AGRN: variants seen among roughly 807,000 people sequenced by gnomAD.
The protein encoded by AGRN is agrin.
In AGRN, 106 loss-of-function variants were observed where a neutral mutation model predicts 211.0. The observed-to-expected ratio is 0.50, with a 90% CI of 0.43 to 0.59. The LOEUF is 0.59. Among genes scored for constraint, AGRN ranks in the 20% least tolerant of loss-of-function variants. The probability of loss-of-function intolerance (pLI) is 0.00; values close to 1 mark genes in which losing one functional copy is unlikely to be tolerated. For missense variants in AGRN, 3,040 were observed against 2,982.6 expected, an observed-to-expected ratio of 1.02 and a Z score of -0.45; for synonymous variants, 1,525 against 1,332.5, an observed-to-expected ratio of 1.14 and a Z score of -3.15.
At chr1:1,050,641 C>CG in intron 29 of AGRN, 50 bp downstream of exon 29, 1 of 1,603,428 alleles carries the variant, frequency 6.2e-7, no homozygotes. Flanking sequence ...GGCCCGGGGC[C>CG]GGGGCACCAG....
intron 2 of AGRN, chr1:1,034,719 C>G: frequency 1.0e-6 from 1 of 996,564 alleles, no homozygotes; most frequent in Non-Finnish European, 1.2e-6. Context: ...TGGCCGCGGG[C>G]GGGGCGTCGC....
chr1:1,030,559 A>T (rs28970526), intron 2 of AGRN, among the ~76,000 whole-genome samples: 27,954 of 32,770 alleles, frequency 0.85, 12,663 homozygotes, highest in East Asian at 0.99. Flanking sequence ...CATGGTGCTG[A>T]GAGATCAGCA....
intron 33 of AGRN, 193 bp from the exon 34 acceptor site, chr1:1,053,560 G>C (rs1645369519): frequency 1.2e-5 from 18 of 1,522,056 alleles, no homozygotes; most frequent in South Asian, 7.3e-5. Context: ...CCGTCTCTCT[G>C]ATCTCTCTCT....
chr1:1,050,976 C>T (rs536641452), intron 30 of AGRN, 139 bp downstream of exon 30: 2 of 1,550,760 alleles, frequency 1.3e-6, no homozygotes, highest in South Asian at 1.2e-5. Flanking sequence ...TCTGCCTCCT[C>T]TGCCTCCCTG....
intron 1 of AGRN, among the ~76,000 whole-genome samples, chr1:1,021,929 G>A (rs1288975674): frequency 2.6e-5 from 4 of 152,252 alleles, no homozygotes. Context: ...AGCTGATAGG[G>A]ACGTTATTGG....
At chr1:1,021,357 C>G (rs1297071434) in intron 1 of AGRN, among the ~76,000 whole-genome samples, 2 of 152,238 alleles carry the variant, frequency 1.3e-5, no homozygotes, top group African/African-American at 4.8e-5. Context: ...CTCCTGGAGC[C>G]TACTGTTGGG....
Position 1,045,955 on chromosome 1 carries a change from G to A in AGRN, c.2681-9G>A, listed in dbSNP as rs749091157. 1.4e-5 allele frequency: 22 copies of A among 1,613,168 alleles called. No homozygotes were observed. In the East Asian group the frequency reaches 2.2e-4, roughly 16 times the overall value. ...CGAGCCACAGAGGTTTCCCATGCCC[G>A]TGCCCCAGACGCTTCTGCGCCTGCG... On this transcript the variant is annotated splice_polypyrimidine_tract_variant and intron_variant, in intron 15 of 35. Transcript: ENST00000379370.
Position 1,055,124 on chromosome 1 carries a change from A to G in AGRN, c.*143A>G. ...TTCCGTCCAGGCAGCCGTGCTGCAG[A>G]CAGACCTAGTGCCGAGGGATGGACA... is the stretch of plus-strand genomic sequence containing the variant. On this transcript the variant is annotated 3_prime_UTR_variant, in exon 36 of 36. Coordinates refer to ENST00000379370, the MANE Select transcript of AGRN (RefSeq NM_198576.4). 1 of 1,364,268 alleles carries G rather than the reference A, an allele frequency of 7.3e-7. No homozygotes were observed. Among genetic ancestry groups the G allele is most frequent in the Non-Finnish European group, 1.0e-6 (1 of 996,588 alleles). The allele number at this position is 1,364,268 out of a possible 1,614,324, so 84.5% of individuals were successfully genotyped here.
intron 2 of AGRN, among the ~76,000 whole-genome samples, chr1:1,025,764 C>G (rs1644508334): frequency 6.6e-6 from 1 of 152,018 alleles, no homozygotes; most frequent in Non-Finnish European, 1.5e-5. Context: ...TCCCTCCCCA[C>G]TCACCTCTGT....
chr1:1,033,959 C>A (rs1644737043), intron 2 of AGRN: 2 of 255,862 alleles, frequency 7.8e-6, no homozygotes, highest in Non-Finnish European at 1.2e-5. Flanking sequence ...TTTGTCTCTG[C>A]TCCCGCCCTC....
rs370543185 is a variant in AGRN at position 1,047,620 on chromosome 1, T to A, written c.3564T>A (p.Ser1188Arg). 3 of 1,612,854 alleles carry A rather than the reference T, an allele frequency of 1.9e-6. No individual in the cohort carries two copies. Among genetic ancestry groups the A allele is most frequent in the African/African-American group, 2.7e-5 (2 of 74,924 alleles). ...RNSDVKKDFR[S>R]VRLRDLGPGK... ...CAGACGTCAAGAAGGATTTTCGGAG[T>A]GTCCGCTTGCGGGACCTGGGGCCCG... Residue 1188 changes from serine to arginine, a missense_variant, in exon 21 of 36, where the codon AGT (serine) becomes AGA (arginine). Physicochemically the swap from Ser to Arg is moderately radical, Grantham distance 110. Coordinates refer to ENST00000379370, the MANE Select transcript of AGRN (RefSeq NM_198576.4).
In AGRN at chr1:1,048,471, G is replaced by A. The variant is rs1376525205; in HGVS notation, c.4105+106G>A. On this transcript the variant is annotated intron_variant, in intron 23 of 35. Coordinates refer to ENST00000379370, the MANE Select transcript of AGRN (RefSeq NM_198576.4). The surrounding 1 kb of genome is among the most constrained non-coding windows in gnomAD (Gnocchi z 5.9). ...GGCTTTGAGTTGGGGGCAGGAGCCC[G>A]GATTAAGGCGGGGTTTCGGCCAGAT... The A allele has an allele frequency of 1.3e-5, 13 of 1,000,638 alleles. No individual in the cohort carries two copies. The highest frequency in any genetic ancestry group is 3.7e-5 in the South Asian group (2 of 54,638). The allele number at this position is 1,000,638 out of a possible 1,614,324, so 62.0% of individuals were successfully genotyped here.
rs763455187 is a variant in AGRN, at chr1:1,048,201, C to T, written c.3941C>T (p.Ala1314Val). 1.9e-6 allele frequency: 3 copies of T among 1,560,948 alleles called. No homozygotes were observed. The highest frequency in any genetic ancestry group is 1.7e-6 in the Non-Finnish European group (2 of 1,155,654). The change falls in exon 23 of 36, where the codon GCC becomes GTC. Residue 1314 changes from alanine (A) to valine (V), a missense_variant. By Grantham distance (64) the Ala-to-Val change is moderately conservative (BLOSUM62 0). This residue lies in a region of AGRN where 1,537 missense variants were observed against 1,505.0 expected (regional missense o/e 1.02). Transcript: ENST00000379370. The surrounding 1 kb of genome is among the most constrained non-coding windows in gnomAD (Gnocchi z 5.9). Reference sequence around the variant, plus strand: ...ACCACACGTCGGCCCCCCACCACTGCCCCCAGCCGTGTGCCCGGACGTCGG... The same window carrying T: ...ACCACACGTCGGCCCCCCACCACTGTCCCCAGCCGTGTGCCCGGACGTCGG... ...APTTRRPPTT[A>V]PSRVPGRRPP...
rs1367992401 is a variant in AGRN at position 1,046,638 on chromosome 1, C to G, written c.3153C>G (p.Ser1051Arg). 3.8e-6 allele frequency: 6 copies of G among 1,598,742 alleles called. No individual in the cohort carries two copies. Among genetic ancestry groups the G allele is most frequent in the Non-Finnish European group, 4.2e-6 (5 of 1,177,808 alleles). Residue 1051 changes from serine to arginine, a missense_variant, in exon 18 of 36, where the codon AGC (serine) becomes AGG (arginine). Ser to Arg is a moderately radical substitution (Grantham distance 110). Around this residue, in one of 3 missense-constraint regions of AGRN, gnomAD observed 1,537 missense variants for 1,505.0 expected, o/e 1.02. Coordinates refer to ENST00000379370, the MANE Select transcript of AGRN (RefSeq NM_198576.4). The part of the protein sequence containing the change: ...VPPTAPSPAP[S>R]LVASAFGESG... ...CCACGGCACCCTCCCCTGCACCCAGCCTGGTGGCGTCCGCCTTTGGTGAAT... is the reference window on the plus strand; with the variant it reads ...CCACGGCACCCTCCCCTGCACCCAGGCTGGTGGCGTCCGCCTTTGGTGAAT...
At position 1,053,957 on chromosome 1, in the gene AGRN, G is replaced by C; in HGVS notation, c.5856G>C (p.Trp1952Cys). ...RSTVPVNTNR[W>C]LRVVAHREQR... is the part of the protein sequence containing the mutation. ...CCGTGCCCGTCAACACCAACCGCTG[G>C]TTGCGGGTCGTGGCACATAGGTGAG... Residue 1952 changes from tryptophan (W) to cysteine (C), a missense_variant, in exon 34 of 36, where the codon TGG (tryptophan) becomes TGC (cysteine). Physicochemically the swap from Trp to Cys is radical, Grantham distance 215. Transcript: ENST00000379370. 1 of 1,601,884 alleles carries C rather than the reference G, an allele frequency of 6.2e-7. No individual in the cohort carries two copies.
At chr1:1,039,819 G>A (rs1355203419) in intron 3 of AGRN, among the ~76,000 whole-genome samples, 1 of 152,076 alleles carries the variant, frequency 6.6e-6, no homozygotes, top group Non-Finnish European at 1.5e-5. Flanking sequence ...GGGATGCCCA[G>A]GGAGGAGGGG....
rs1645165855 is a variant in AGRN, at chr1:1,048,426, G to A, written c.4105+61G>A. On this transcript the variant is annotated intron_variant, in intron 23 of 35. Transcript: ENST00000379370. This position sits in a 1 kb window ranked among gnomAD's most constrained non-coding sequence, Gnocchi z 5.9. ...AGCAGGGTGGGGGCAAGGATTGGGG[G>A]TGGGGCTAAGCCACCATCAGGCTTT... is the stretch of plus-strand genomic sequence containing the variant. The A allele has an allele frequency of 8.0e-7, 1 of 1,242,934 alleles. No individual in the cohort carries two copies. The highest frequency in any genetic ancestry group is 2.6e-5 in the East Asian group (1 of 38,560). The allele number at this position is 1,242,934 out of a possible 1,614,324, so 77.0% of individuals were successfully genotyped here. A position where few individuals can be genotyped will look rare whatever the true frequency, so the allele number is the denominator to read the frequency against.
chr1:1,022,979 C>T (rs984332942), intron 2 of AGRN, among the ~76,000 whole-genome samples: 6 of 152,234 alleles, frequency 3.9e-5, no homozygotes, highest in Non-Finnish European at 7.3e-5. Flanking sequence ...GCCGAAGGGC[C>T]GAGGAGTGGC....
Position 1,047,998 on chromosome 1 carries a change from C to T in AGRN, c.3752-14C>T. On this transcript the variant is annotated splice_polypyrimidine_tract_variant and intron_variant, in intron 22 of 35. Coordinates refer to ENST00000379370, the MANE Select transcript of AGRN (RefSeq NM_198576.4). ...CTGCTCCCAGGAAACCCTAACAGCT[C>T]CCTGTGCCGGCAGACTGGTTTCCTG... The T allele has an allele frequency of 1.9e-6, 3 of 1,573,630 alleles. No homozygotes were observed. The highest frequency in any genetic ancestry group is 4.7e-5 in the East Asian group (2 of 42,808).
Sources: gnomAD v4.1 joint callset for allele counts (sites outside exome capture counted in the v4.1 genomes callset) on GRCh38, gnomAD v4.1.1 for gene constraint, gnomAD v4.1.1 regional missense constraint, Gnocchi (gnomAD v3.1) non-coding constraint, MANE v1.5 for transcripts, NCBI Gene and HGNC (gene_info 2026-07-23, HGNC 2026-07-21) for gene names.